Variants in PICK1 observed in about 807,000 individuals in gnomAD.
PICK1 encodes PRKCA-binding protein.
In PICK1, 23 loss-of-function variants were observed where a neutral mutation model predicts 48.9. That is an observed-to-expected ratio of 0.47 (90% CI 0.34 to 0.67). The LOEUF (loss-of-function observed/expected upper bound fraction) is 0.67. Ranked by LOEUF, PICK1 falls within the 30% of genes least tolerant of loss-of-function variation. PICK1 has a pLI of 0.01. For missense variants in PICK1, 423 were observed against 557.1 expected (o/e 0.76, Z 2.42); for synonymous variants, 217 against 228.2 (o/e 0.95, Z 0.44).
At position 38,067,734 on chromosome 22, in the gene PICK1, C is replaced by G. The variant is rs1224509124; in HGVS notation, c.313C>G (p.Gln105Glu). 4 of 1,613,910 alleles carry G rather than the reference C, an allele frequency of 2.5e-6. No individual in the cohort carries two copies. The South Asian group carries it at 3.3e-5, about 13-fold the overall frequency. ...GGTGACCATCCACTACAACAAGCTG[C>G]AGGCGGACCCCAAGCAGGGCATGTC... The part of the protein sequence containing the change: ...GEVTIHYNKL[Q>E]ADPKQGMSLD... Residue 105 changes from glutamine (Q) to glutamate (E), a missense_variant, in exon 5 of 13, where the codon CAG becomes GAG. By Grantham distance (29) the Gln-to-Glu change is conservative. Around this residue, in one of 2 missense-constraint regions of PICK1, gnomAD observed 279 missense variants for 417.8 expected, o/e 0.67. Coordinates refer to ENST00000356976, the MANE Select transcript of PICK1 (RefSeq NM_012407.4).
chr22:38,074,130 G>A lies in PICK1; in HGVS notation c.835-177G>A, dbSNP rs977477147. ...ATTTCGTGGCCAGTGTTCATTGAAT[G>A]TGGCAGAGGTTTGGGTTTGGTTTTT... On this transcript the variant is annotated intron_variant, in intron 11 of 12. Transcript: ENST00000356976. The surrounding 1 kb of genome is among the most constrained non-coding windows in gnomAD (Gnocchi z 4.5). 4.6e-5 allele frequency: 33 copies of A among 710,282 alleles called. No individual in the cohort carries two copies. The East Asian group carries it at 7.8e-4, about 17-fold the overall frequency. The allele number at this position is 710,282 out of a possible 1,614,324, so 44.0% of individuals were successfully genotyped here.
Position 38,071,709 on chromosome 22 carries a change from T to G in PICK1, c.521T>G (p.Leu174Arg), listed in dbSNP as rs762087441. The G allele has an allele frequency of 6.2e-7, 1 of 1,613,618 alleles. No individual in the cohort carries two copies. Among genetic ancestry groups the G allele is most frequent in the South Asian group, 1.1e-5 (1 of 91,088 alleles). Residue 174 changes from leucine (L) to arginine (R), a missense_variant, in exon 8 of 13, where the codon CTA becomes CGA. Coordinates refer to ENST00000356976, the MANE Select transcript of PICK1 (RefSeq NM_012407.4). ...KGMTEHTKNL[L>R]RAFYELSQTH... Reference sequence around the variant, plus strand: ...ATGACGGAACACACCAAGAACCTCCTACGGGCCTTTTATGAGCTGTCGCAG... The same window carrying G: ...ATGACGGAACACACCAAGAACCTCCGACGGGCCTTTTATGAGCTGTCGCAG...
intron 2 of PICK1, 144 bp downstream of exon 2, chr22:38,057,994 G>A: frequency 1.4e-6 from 1 of 738,980 alleles, no homozygotes; most frequent in African/African-American, 1.7e-5. Context: ...GCTCTCCCAG[G>A]AGCTCACTAT....
Position 38,074,076 on chromosome 22 carries a change from A to G in PICK1, c.835-231A>G. The stretch of plus-strand genomic sequence containing the variant: ...TCTTCACTCCTATGAGGCGCTTTTA[A>G]GTGTTTGATTTTTCTGCTGTCGGGA... On this transcript the variant is annotated intron_variant, in intron 11 of 12. Transcript: ENST00000356976. The surrounding 1 kb of genome is among the most constrained non-coding windows in gnomAD (Gnocchi z 4.5). The G allele has an allele frequency of 1.6e-6, 1 of 630,146 alleles. No individual in the cohort carries two copies. The highest frequency in any genetic ancestry group is 2.8e-6 in the Non-Finnish European group (1 of 361,694). The allele number at this position is 630,146 out of a possible 1,614,324, so 39.0% of individuals were successfully genotyped here. A position where few individuals can be genotyped will look rare whatever the true frequency, so the allele number is the denominator to read the frequency against.
At chr22:38,060,846 T>G (rs1293358055) in intron 3 of PICK1, among the ~76,000 whole-genome samples, 1 of 151,776 alleles carries the variant, frequency 6.6e-6, no homozygotes, top group Non-Finnish European at 1.5e-5. Context: ...CCTCCTGGAT[T>G]CAAACGATTC....
rs529594848 is a variant in PICK1 at position 38,059,242 on chromosome 22, C to T, written c.50C>T (p.Pro17Leu). Residue 17 changes from proline (P) to leucine (L), a missense_variant, in exon 3 of 13, where the codon CCG (proline) becomes CTG (leucine). Pro to Leu is a moderately conservative substitution (Grantham distance 98). This residue lies in a region of PICK1 where 279 missense variants were observed against 417.8 expected (regional missense o/e 0.67). Coordinates refer to ENST00000356976, the MANE Select transcript of PICK1 (RefSeq NM_012407.4). ...CTTGCTTTCCTTTCTAGCGGAATCC[C>T]GACTGTGCCTGGGAAGGTGACCCTG... ...YDIEEDKLGI[P>L]TVPGKVTLQK... 1.5e-5 allele frequency: 23 copies of T among 1,577,862 alleles called. No homozygotes were observed. The highest frequency in any genetic ancestry group is 5.4e-5 in the African/African-American group (4 of 74,008).
chr22:38,071,924 T>C, intron 8 of PICK1, 180 bp downstream of exon 8: 5 of 672,184 alleles, frequency 7.4e-6, no homozygotes, highest in Non-Finnish European at 5.5e-6. Context: ...GCTGGTCTCT[T>C]AAGGGCCGCA....
chr22:38,075,228 C>T lies in PICK1; in HGVS notation c.*96C>T. On this transcript the variant is annotated 3_prime_UTR_variant, in exon 13 of 13. Coordinates refer to ENST00000356976, the MANE Select transcript of PICK1 (RefSeq NM_012407.4). ...CGCGCAAGGGGGCGACGCATAAAGG[C>T]CTGCTGGCTTGGGGCGCCTGCCTCC... The T allele has an allele frequency of 1.6e-6, 2 of 1,275,978 alleles. No homozygotes were observed. The highest frequency in any genetic ancestry group is 2.1e-6 in the Non-Finnish European group (2 of 941,254). The allele number at this position is 1,275,978 out of a possible 1,614,324, so 79.0% of individuals were successfully genotyped here. A position where few individuals can be genotyped will look rare whatever the true frequency, so the allele number is the denominator to read the frequency against.
intron 6 of PICK1, among the ~76,000 whole-genome samples, chr22:38,070,635 C>T (rs1371288120): frequency 2.0e-5 from 3 of 152,140 alleles, no homozygotes; most frequent in Non-Finnish European, 2.9e-5. Context: ...ACGGACCCTC[C>T]GCTGGCCATG....
At chr22:38,070,982 T>TGCCAGCCTACAAAATACTAGGACC in intron 7 of PICK1, 91 bp downstream of exon 7, 1 of 977,350 alleles carries the variant, frequency 1.0e-6, no homozygotes, top group Non-Finnish European at 1.7e-6. Flanking sequence ...GCACTAGGAA[T>TGCCAGCCTACAAAATACTAGGACC]GCCAGCCTAC....
In PICK1 at chr22:38,075,179, A is replaced by T; in HGVS notation, c.*47A>T. ...GGGGGCAGGGTGCGTGGGAGGACGGAGCCTGGGAGCGGGGCGGGGCCGCCG... is the reference window on the plus strand; with the variant it reads ...GGGGGCAGGGTGCGTGGGAGGACGGTGCCTGGGAGCGGGGCGGGGCCGCCG... On this transcript the variant is annotated 3_prime_UTR_variant, in exon 13 of 13. Transcript: ENST00000356976. 1 of 1,573,948 alleles carries T rather than the reference A, an allele frequency of 6.4e-7. No homozygotes were observed. The highest frequency in any genetic ancestry group is 8.6e-7 in the Non-Finnish European group (1 of 1,159,670).
intron 3 of PICK1, 124 bp from the exon 4 acceptor site, chr22:38,064,878 C>A: frequency 8.5e-7 from 1 of 1,170,574 alleles, no homozygotes. Context: ...TGGTGAGACG[C>A]TTTCTCAAAA....
intron 4 of PICK1, among the ~76,000 whole-genome samples, chr22:38,065,723 C>T (rs1288090804): frequency 6.6e-6 from 1 of 152,240 alleles, no homozygotes; most frequent in Non-Finnish European, 1.5e-5. Flanking sequence ...ACTGGAATGG[C>T]AGGCGGCATC....
intron 9 of PICK1, 58 bp from the exon 10 acceptor site, chr22:38,072,942 T>C: frequency 8.7e-7 from 1 of 1,150,176 alleles, no homozygotes; most frequent in Middle Eastern, 1.9e-4. Flanking sequence ...GTGCCATTCA[T>C]TGTCACCCTG....
chr22:38,065,921 C>A (rs992861273), intron 4 of PICK1, among the ~76,000 whole-genome samples: 1 of 152,164 alleles, frequency 6.6e-6, no homozygotes, highest in Admixed American at 6.5e-5. Flanking sequence ...GTGGCAGCTA[C>A]CTCCCTCAGC....
At position 38,067,600 on chromosome 22, in the gene PICK1, C is replaced by T. The variant is rs1376149889; in HGVS notation, c.283-104C>T. 4.1e-5 allele frequency: 41 copies of T among 1,001,146 alleles called. No individual in the cohort carries two copies. In the South Asian group the frequency reaches 4.7e-4, roughly 12 times the overall value. 62.0% of individuals were successfully genotyped at this position (1,001,146 alleles called of 1,614,324 possible). ...TTGGGATTACAGGTGTGAGCCACCG[C>T]ACCCGGCCTTGGGCTCAGGAGTCTC... is the stretch of plus-strand genomic sequence containing the variant. On this transcript the variant is annotated intron_variant, in intron 4 of 12. Transcript: ENST00000356976.
chr22:38,070,692 G>A (rs962881003), intron 6 of PICK1, 146 bp from the exon 7 acceptor site: 15 of 727,498 alleles, frequency 2.1e-5, no homozygotes, highest in African/African-American at 5.2e-5. Flanking sequence ...CAGCTGACCC[G>A]AGCTGCCAAA....
rs1048583998 is a variant in PICK1 at position 38,074,271 on chromosome 22, C to A, written c.835-36C>A. 1.2e-6 allele frequency: 2 copies of A among 1,611,336 alleles called. No homozygotes were observed. Among genetic ancestry groups the A allele is most frequent in the East Asian group, 2.2e-5 (1 of 44,852 alleles). ...AAAGCACAGTGCGGTGCGAGGCCGTCCCTGAGCAGGCACTCCTGTCCCACC... is the reference window on the plus strand; with the variant it reads ...AAAGCACAGTGCGGTGCGAGGCCGTACCTGAGCAGGCACTCCTGTCCCACC... On this transcript the variant is annotated intron_variant, in intron 11 of 12. Transcript: ENST00000356976. The surrounding 1 kb of genome is among the most constrained non-coding windows in gnomAD (Gnocchi z 4.5).
rs1466354989 is a variant in PICK1, at chr22:38,073,913, G to T, written c.834+90G>T. The T allele has an allele frequency of 2.4e-6, 3 of 1,270,664 alleles. No individual in the cohort carries two copies. Among genetic ancestry groups the T allele is most frequent in the Middle Eastern group, 1.9e-4 (1 of 5,382 alleles). The allele number at this position is 1,270,664 out of a possible 1,614,324, so 78.7% of individuals were successfully genotyped here. ...GGCTCAGGCCAACCCGGGAGAGACC[G>T]GGGGGACTTGGCTGGACTCTCGTTC... is the stretch of plus-strand genomic sequence containing the variant. On this transcript the variant is annotated intron_variant, in intron 11 of 12. Coordinates refer to ENST00000356976, the MANE Select transcript of PICK1 (RefSeq NM_012407.4). The surrounding 1 kb of genome is among the most constrained non-coding windows in gnomAD (Gnocchi z 5.7).
Sources: gnomAD v4.1 joint callset for allele counts (sites outside exome capture counted in the v4.1 genomes callset) on GRCh38, gnomAD v4.1.1 for gene constraint, gnomAD v4.1.1 regional missense constraint, Gnocchi (gnomAD v3.1) non-coding constraint, MANE v1.5 for transcripts, NCBI Gene and HGNC (gene_info 2026-07-23, HGNC 2026-07-21) for gene names.